ENPP2: variants seen among roughly 807,000 people sequenced by gnomAD.
ENPP2 encodes the protein autotaxin.
ENPP2 carries 51 observed loss-of-function variants against 120.2 expected under a neutral mutation model. The observed-to-expected ratio is 0.42, with a 90% CI of 0.34 to 0.54. The LOEUF (loss-of-function observed/expected upper bound fraction) is 0.54. Among genes scored for constraint, ENPP2 ranks in the 20% least tolerant of loss-of-function variants. The pLI, the probability that ENPP2 is intolerant of heterozygous loss-of-function variation, is 0.04. For synonymous variants in ENPP2, 365 were observed against 366.4 expected, an observed-to-expected ratio of 1.00 and a Z score of 0.04; for missense variants, 920 against 1,066.5, an observed-to-expected ratio of 0.86 and a Z score of 1.91.
In ENPP2 at chr8:119,583,025, C is replaced by T. The variant is rs914770389; in HGVS notation, c.1544-423G>A. The stretch of plus-strand genomic sequence containing the variant: ...ATCAATAACTAACTAGAAGTCTGCC[C>T]TCTAATGACTCCACAGAAGTGTGGG... On this transcript the variant is annotated intron_variant, in intron 17 of 24. Coordinates refer to ENST00000075322, the MANE Select transcript of ENPP2 (RefSeq NM_001040092.3). Among the ~76,000 whole-genome samples the T allele has an allele frequency of 2.6e-5, 4 of 152,212 alleles. No homozygotes were observed. The East Asian group carries it at 5.8e-4, about 22-fold the overall frequency.
intron 9 of ENPP2, among the ~76,000 whole-genome samples, chr8:119,604,910 A>C (rs1035306358): frequency 2.0e-5 from 3 of 151,848 alleles, no homozygotes; most frequent in Non-Finnish European, 2.9e-5. Context: ...AGTAGCTGGG[A>C]TTACAGGCGC....
intron 11 of ENPP2, among the ~76,000 whole-genome samples, chr8:119,595,541 T>C (rs1316813060): frequency 1.3e-5 from 2 of 152,194 alleles, no homozygotes; most frequent in African/African-American, 2.4e-5. Context: ...CCACAAACCA[T>C]GTGACTGATT....
intron 2 of ENPP2, among the ~76,000 whole-genome samples, chr8:119,634,343 A>G (rs1212974019): frequency 2.0e-5 from 3 of 152,208 alleles, no homozygotes; most frequent in Non-Finnish European, 4.4e-5. Flanking sequence ...CTTAAATAGA[A>G]TTTAATGGCC....
intron 1 of ENPP2, among the ~76,000 whole-genome samples, chr8:119,654,335 G>A (rs1817709105): frequency 7.1e-6 from 1 of 140,888 alleles, no homozygotes; most frequent in Admixed American, 7.3e-5. Flanking sequence ...TATATATAGA[G>A]ATATATCTCT....
intron 3 of ENPP2, among the ~76,000 whole-genome samples, chr8:119,623,401 G>T (rs1211311893): frequency 6.6e-6 from 1 of 151,984 alleles, no homozygotes; most frequent in Admixed American, 6.5e-5. Flanking sequence ...GGAGGCAGAG[G>T]TTGCAGTGAG....
chr8:119,601,618 G>A (rs116786932), intron 9 of ENPP2, among the ~76,000 whole-genome samples, 156 bp from the exon 10 acceptor site: 190 of 152,178 alleles, frequency 1.2e-3, no homozygotes, highest in African/African-American at 4.3e-3. Flanking sequence ...TCGAATTAGC[G>A]TTTAAACTAC....
intron 18 of ENPP2, 93 bp from the exon 19 acceptor site, chr8:119,580,260 A>G: frequency 1.1e-6 from 1 of 952,218 alleles, no homozygotes; most frequent in Non-Finnish European, 1.7e-6. Flanking sequence ...ACCCTGCTAA[A>G]TTCAAAAGCG....
chr8:119,673,130 A>T, intron 1 of ENPP2: 1 of 819,612 alleles, frequency 1.2e-6, no homozygotes, highest in Non-Finnish European at 2.0e-6. Flanking sequence ...ACACAGCCCA[A>T]CAGGGACTGC....
chr8:119,646,489 T>C (rs1023518670), intron 1 of ENPP2, among the ~76,000 whole-genome samples: 2 of 152,146 alleles, frequency 1.3e-5, no homozygotes, highest in Non-Finnish European at 2.9e-5. Context: ...TGAGGACCAC[T>C]GACCTAGAGG....
intron 1 of ENPP2, among the ~76,000 whole-genome samples, chr8:119,668,591 G>A (rs1174831764): frequency 5.9e-5 from 9 of 151,602 alleles, no homozygotes; most frequent in African/African-American, 1.5e-4. Flanking sequence ...ACCATGCCCA[G>A]CTAATTTTTC....
chr8:119,643,396 C>T (rs1322950457), upstream of ENPP2, among the ~76,000 whole-genome samples: 1 of 152,096 alleles, frequency 6.6e-6, no homozygotes, highest in Admixed American at 6.6e-5. Context: ...GTCTATGGTC[C>T]CACAGGATTC....
At position 119,628,224 on chromosome 8, in the gene ENPP2, G is replaced by A. The variant is rs192927641; in HGVS notation, c.137-1504C>T. ...TAGGGACTATAAATAATTAAGTTAG[G>A]GTCTCATCTCAATATACAAAATAAT... On this transcript the variant is annotated intron_variant, in intron 2 of 24. Coordinates refer to ENST00000075322, the MANE Select transcript of ENPP2 (RefSeq NM_001040092.3). Among the ~76,000 whole-genome samples the A allele has an allele frequency of 3.5e-3, 539 of 151,948 alleles. 4 individuals are homozygous for A. The highest frequency in any genetic ancestry group is 0.012 in the African/African-American group (505 of 41,436).
intron 1 of ENPP2, among the ~76,000 whole-genome samples, chr8:119,666,658 T>C (rs1490238515): frequency 1.3e-5 from 2 of 151,692 alleles, no homozygotes; most frequent in African/African-American, 4.8e-5. Flanking sequence ...CACATGCCTG[T>C]AATCCCAGCT....
chr8:119,571,302 C>T (rs1040413483), intron 19 of ENPP2: 8 of 152,310 alleles, frequency 5.3e-5, no homozygotes, highest in Non-Finnish European at 1.5e-5. Flanking sequence ...ATATGCATTC[C>T]TTCAGCATAA....
chr8:119,576,483 G>A (rs1266534346), intron 19 of ENPP2, among the ~76,000 whole-genome samples: 2 of 152,164 alleles, frequency 1.3e-5, no homozygotes, highest in Non-Finnish European at 2.9e-5. Flanking sequence ...TTCTCATTGT[G>A]TATGATAAGG....
intron 1 of ENPP2, chr8:119,673,179 G>T: frequency 7.5e-7 from 1 of 1,334,804 alleles, no homozygotes; most frequent in Non-Finnish European, 1.0e-6. Context: ...AGGTTTTTCT[G>T]CTTGACAGAA....
At chr8:119,615,869 G>A (rs1815420641) in intron 8 of ENPP2, among the ~76,000 whole-genome samples, 1 of 151,866 alleles carries the variant, frequency 6.6e-6, no homozygotes, top group African/African-American at 2.4e-5. Flanking sequence ...CATCACCATT[G>A]TCACCACCAT....
intron 1 of ENPP2, among the ~76,000 whole-genome samples, chr8:119,644,953 C>A (rs1817400048): frequency 6.6e-6 from 1 of 151,970 alleles, no homozygotes; most frequent in Non-Finnish European, 1.5e-5. Context: ...TTTGAGTCTA[C>A]TTTATAATGT....
chr8:119,632,818 C>T (rs924744128), intron 2 of ENPP2, among the ~76,000 whole-genome samples: 4 of 152,130 alleles, frequency 2.6e-5, no homozygotes, highest in African/African-American at 9.7e-5. Flanking sequence ...GCCTGTAATC[C>T]CAAGACTTTG....
Sources: allele counts gnomAD v4.1 joint callset (sites outside exome capture counted in the v4.1 genomes callset), GRCh38; gene constraint gnomAD v4.1.1; transcripts MANE v1.5; gene names NCBI Gene and HGNC (gene_info 2026-07-23, HGNC 2026-07-21).